KAZN: variants seen among roughly 807,000 people sequenced by gnomAD.
The protein encoded by KAZN is kazrin.
Under a neutral mutation model 87.4 loss-of-function variants are expected in KAZN, and 40 were observed. The observed-to-expected ratio is 0.46, with a 90% CI of 0.36 to 0.60. The LOEUF is 0.60. Among genes scored for constraint, KAZN ranks in the 20% least tolerant of loss-of-function variants. KAZN has a pLI of 0.00. For synonymous variants in KAZN, 466 were observed against 458.3 expected, an observed-to-expected ratio of 1.02 and a Z score of -0.22; for missense variants, 898 against 1,073.9, an observed-to-expected ratio of 0.84 and a Z score of 2.29.
In KAZN at chr1:14,163,320, C is replaced by G. The variant is rs138405542; in HGVS notation, c.92-17115C>G. 2.7e-3 allele frequency among the ~76,000 whole-genome samples: 407 copies of G among 152,168 alleles called. 1 individual carries two copies. The highest frequency in any genetic ancestry group is 9.5e-3 in the African/African-American group (395 of 41,458). Reference sequence around the variant, plus strand: ...CCCAAGTGCCCCATCTGACCTTTGACTTGAGGTTTTCATACATTGGCATAG... The same window carrying G: ...CCCAAGTGCCCCATCTGACCTTTGAGTTGAGGTTTTCATACATTGGCATAG... On this transcript the variant is annotated intron_variant, in intron 1 of 16. Coordinates refer to the KAZN transcript ENST00000636203.
At chr1:14,369,302 G>T (rs774675789) in intron 2 of KAZN, among the ~76,000 whole-genome samples, 3 of 152,250 alleles carry the variant, frequency 2.0e-5, no homozygotes, top group Non-Finnish European at 4.4e-5. Context: ...CAGTTTCCTC[G>T]CTCAATGCCA....
chr1:14,041,893 T>C (rs1169162033), intron 1 of KAZN, among the ~76,000 whole-genome samples: 1 of 152,220 alleles, frequency 6.6e-6, no homozygotes, highest in Non-Finnish European at 1.5e-5. Context: ...AGGTATTGTT[T>C]AATTTTTTTC....
At chr1:14,755,834 C>T (rs78108837) in intron 1 of KAZN, among the ~76,000 whole-genome samples, 12 of 152,284 alleles carry the variant, frequency 7.9e-5, no homozygotes, top group African/African-American at 2.6e-4. Context: ...GGGGAATTCA[C>T]CCACTTAGGA....
chr1:14,256,270 A>G (rs991868668), intron 2 of KAZN, among the ~76,000 whole-genome samples: 1 of 152,184 alleles, frequency 6.6e-6, no homozygotes, highest in Non-Finnish European at 1.5e-5. Context: ...TCTGTCCTCA[A>G]AGATGAGCCA....
At chr1:14,960,582 A>G (rs1572926469) in intron 1 of KAZN, 102 bp from the exon 2 acceptor site, 2 of 1,242,864 alleles carry the variant, frequency 1.6e-6, no homozygotes, top group Non-Finnish European at 1.1e-6. Flanking sequence ...CCCTGAATGC[A>G]GAGCAAACAA....
intron 2 of KAZN, among the ~76,000 whole-genome samples, chr1:14,313,215 A>G (rs999856465): frequency 3.3e-5 from 5 of 151,946 alleles, no homozygotes; most frequent in African/African-American, 9.7e-5. Flanking sequence ...TGGTCCCCAC[A>G]CCTCTCCACC....
At chr1:14,656,260 G>A (rs1341664344) in intron 1 of KAZN, among the ~76,000 whole-genome samples, 1 of 152,208 alleles carries the variant, frequency 6.6e-6, no homozygotes, top group Non-Finnish European at 1.5e-5. Context: ...TGCTCTCTCA[G>A]AGTCGGATGA....
chr1:14,861,361 AGAGT>A (rs1650832368), intron 1 of KAZN, among the ~76,000 whole-genome samples: 1 of 152,232 alleles, frequency 6.6e-6, no homozygotes, highest in Non-Finnish European at 1.5e-5. Context: ...CTTGGGTGAC[AGAGT>A]GAGAGCCTGT....
intron 2 of KAZN, among the ~76,000 whole-genome samples, chr1:14,248,167 C>T (rs775800204): frequency 5.9e-5 from 9 of 152,092 alleles, no homozygotes; most frequent in Admixed American, 2.6e-4. Context: ...TGAGAGCAAC[C>T]GTGGGCTTTG....
intron 1 of KAZN, among the ~76,000 whole-genome samples, chr1:14,650,757 A>G (rs1181181732): frequency 6.6e-6 from 1 of 152,170 alleles, no homozygotes; most frequent in Admixed American, 6.5e-5. Flanking sequence ...AACCATGCAC[A>G]TGTTTCTATT....
intron 2 of KAZN, among the ~76,000 whole-genome samples, chr1:14,211,030 T>C (rs906863673): frequency 3.9e-5 from 6 of 152,120 alleles, no homozygotes; most frequent in Admixed American, 1.3e-4. Context: ...CTTTACCTCT[T>C]AGATGGAAGA....
At chr1:14,973,545 A>G (rs182886247) in intron 2 of KAZN, among the ~76,000 whole-genome samples, 1 of 151,920 alleles carries the variant, frequency 6.6e-6, no homozygotes, top group Non-Finnish European at 1.5e-5. Context: ...TTTTTTTTAG[A>G]TAGGGTGGGC....
In KAZN at chr1:14,599,276, C is replaced by T; in HGVS notation, c.226+53C>T. ...AGGAAGGCGAGCAGAGCACGCCCGG[C>T]CTCGGAGGTGGCCGGGGACCCGGGG... On this transcript the variant is annotated intron_variant, in intron 1 of 14. Transcript: ENST00000376030. This position sits in a 1 kb window ranked among gnomAD's most constrained non-coding sequence, Gnocchi z 4.4. 7.8e-7 allele frequency: 1 copy of T among 1,289,842 alleles called. No individual in the cohort carries two copies. The highest frequency in any genetic ancestry group is 3.1e-5 in the East Asian group (1 of 31,974). The allele number at this position is 1,289,842 out of a possible 1,614,324, so 79.9% of individuals were successfully genotyped here.
intron 1 of KAZN, among the ~76,000 whole-genome samples, chr1:14,173,573 GAA>G (rs1646001527): frequency 6.6e-6 from 1 of 152,186 alleles, no homozygotes; most frequent in South Asian, 2.1e-4. Flanking sequence ...GAACTATTGA[GAA>G]AGAGATAGCT....
intron 2 of KAZN, among the ~76,000 whole-genome samples, chr1:14,974,772 C>A (rs72855803): frequency 2.0e-3 from 311 of 152,276 alleles, no homozygotes; most frequent in African/African-American, 7.0e-3. Context: ...TCTACAGGGA[C>A]AGAAAGCTCC....
At chr1:14,785,646 A>G (rs804126) in intron 1 of KAZN, among the ~76,000 whole-genome samples, 108,694 of 152,036 alleles carry the variant, frequency 0.71, 39,101 homozygotes, top group East Asian at 0.78. Flanking sequence ...GCCCAGGACA[A>G]GTTATTTACC....
At position 14,166,617 on chromosome 1, in the gene KAZN, C is replaced by A. The variant is rs948529320; in HGVS notation, c.92-13818C>A. On this transcript the variant is annotated intron_variant, in intron 1 of 16. Coordinates refer to the KAZN transcript ENST00000636203. ...TTATAAATTTGGTACTATTGTGTTA[C>A]TATGAGTAAATAAAAGTTATTGGTA... is the stretch of plus-strand genomic sequence containing the variant. Among the ~76,000 whole-genome samples the A allele has an allele frequency of 2.8e-5, 4 of 141,862 alleles. No individual in the cohort carries two copies. The Admixed American group carries it at 2.8e-4, about 10-fold the overall frequency. 93.1% of individuals were successfully genotyped at this position (141,862 alleles called of 152,430 possible).
intron 1 of KAZN, among the ~76,000 whole-genome samples, chr1:14,928,584 C>A (rs1230720790): frequency 6.6e-6 from 1 of 152,156 alleles, no homozygotes; most frequent in Non-Finnish European, 1.5e-5. Context: ...ATTTGCTTAT[C>A]TTCCTGCTGT....
intron 1 of KAZN, among the ~76,000 whole-genome samples, chr1:14,091,898 A>G (rs1570717805): frequency 6.6e-6 from 1 of 152,114 alleles, no homozygotes; most frequent in South Asian, 2.1e-4. Context: ...GGCTTACCCC[A>G]TAGGGTGATT....
Sources: allele counts gnomAD v4.1 joint callset (sites outside exome capture counted in the v4.1 genomes callset), GRCh38; gene constraint gnomAD v4.1.1; non-coding constraint Gnocchi (gnomAD v3.1); transcripts MANE v1.5; gene names NCBI Gene and HGNC (gene_info 2026-07-23, HGNC 2026-07-21).